KCNIP3: variants seen among roughly 807,000 people sequenced by gnomAD.
KCNIP3 encodes the protein calsenilin.
In KCNIP3, 28 loss-of-function variants were observed where a neutral mutation model predicts 35.0. That is an observed-to-expected ratio of 0.80 (90% CI 0.59 to 1.10). The LOEUF (loss-of-function observed/expected upper bound fraction) is 1.10. KCNIP3 is among the 50% of genes least tolerant of loss of function. The probability of loss-of-function intolerance (pLI) is 0.00; values close to 1 mark genes in which losing one functional copy is unlikely to be tolerated. For missense variants in KCNIP3, 295 were observed against 338.4 expected (o/e 0.87, Z 1.01); for synonymous variants, 134 against 133.8 (o/e 1.00, Z -0.01).
At chr2:95,373,187 G>A (rs1464481223) in intron 2 of KCNIP3, among the ~76,000 whole-genome samples, 2 of 152,186 alleles carry the variant, frequency 1.3e-5, no homozygotes, top group African/African-American at 4.8e-5. Flanking sequence ...ATGAGTCCTG[G>A]GTCTGTGGGA....
At chr2:95,360,697 CCTT>C in intron 2 of KCNIP3, among the ~76,000 whole-genome samples, 1 of 152,102 alleles carries the variant, frequency 6.6e-6, no homozygotes, top group Admixed American at 6.5e-5. Context: ...CTGGGGATGG[CCTT>C]CTTACTGAAT....
At chr2:95,308,209 C>G (rs1190684047) in intron 1 of KCNIP3, among the ~76,000 whole-genome samples, 1 of 152,244 alleles carries the variant, frequency 6.6e-6, no homozygotes, top group Non-Finnish European at 1.5e-5. Flanking sequence ...CAGCTCTCCC[C>G]CTGTTTCTGC....
chr2:95,346,995 AG>A, intron 2 of KCNIP3: 1 of 1,561,614 alleles, frequency 6.4e-7, no homozygotes, highest in Non-Finnish European at 8.7e-7. Context: ...CCCGGGCCCC[AG>A]GGCCCCAGGC....
chr2:95,382,460 G>A lies in KCNIP3; in HGVS notation c.639G>A (p.Glu213=). The change falls in exon 7 of 9, where the codon GAG becomes GAA. Residue 213 remains glutamate (E), a synonymous_variant. Transcript: ENST00000295225. This position sits in a 1 kb window ranked among gnomAD's most constrained non-coding sequence, Gnocchi z 4.5. The stretch of plus-strand genomic sequence containing the variant: ...TCCTGCGGGAGGACGCGCCGGCGGA[G>A]CACGTGGAGAGGTTCTTCGAGGTGA... ...YPILREDAPA[E]HVERFFEKMD... The A allele has an allele frequency of 6.2e-7, 1 of 1,608,210 alleles. No homozygotes were observed. Among genetic ancestry groups the A allele is most frequent in the South Asian group, 1.1e-5 (1 of 90,540 alleles).
chr2:95,325,519 C>T (rs1383822995), intron 2 of KCNIP3, among the ~76,000 whole-genome samples: 2 of 152,102 alleles, frequency 1.3e-5, no homozygotes, highest in Non-Finnish European at 2.9e-5. Context: ...CCCCTACCCC[C>T]AAAACAGGTG....
At chr2:95,328,704 T>C (rs1390449239) in intron 2 of KCNIP3, among the ~76,000 whole-genome samples, 4 of 152,250 alleles carry the variant, frequency 2.6e-5, no homozygotes, top group Non-Finnish European at 5.9e-5. Context: ...ATTCTCAGTC[T>C]ACAGTCAGAT....
intron 2 of KCNIP3, among the ~76,000 whole-genome samples, chr2:95,363,645 A>T (rs1473694120): frequency 6.6e-6 from 1 of 152,162 alleles, no homozygotes. Flanking sequence ...TTTTATTGGA[A>T]TTGCACTGAA....
At chr2:95,307,422 T>C (rs1476173553) in intron 1 of KCNIP3, among the ~76,000 whole-genome samples, 4 of 152,204 alleles carry the variant, frequency 2.6e-5, no homozygotes, top group African/African-American at 9.7e-5. Context: ...CAGAAGACTA[T>C]ATGTGTAGTG....
rs182517591 is a variant in KCNIP3, at chr2:95,299,860, G to C, written c.15+2407G>C. Among the ~76,000 whole-genome samples, 333 of 152,350 alleles carry C rather than the reference G, an allele frequency of 2.2e-3. 1 individual carries two copies. Among genetic ancestry groups the C allele is most frequent in the African/African-American group, 7.4e-3 (308 of 41,578 alleles). On this transcript the variant is annotated intron_variant, in intron 1 of 8. Coordinates refer to ENST00000295225, the MANE Select transcript of KCNIP3 (RefSeq NM_013434.5). ...GAGCCCAGGAGAAGGGCAGAGCTGA[G>C]AGCCAGAAGCCTGAGGGTACCAACG... is the stretch of plus-strand genomic sequence containing the variant.
intron 1 of KCNIP3, 127 bp downstream of exon 1, chr2:95,297,580 T>C: frequency 1.3e-6 from 1 of 796,644 alleles, no homozygotes; most frequent in Non-Finnish European, 2.0e-6. Flanking sequence ...TCCACTTTCC[T>C]TTGGGGAAAG....
At chr2:95,364,849 T>C (rs1176716148) in intron 2 of KCNIP3, among the ~76,000 whole-genome samples, 1 of 152,156 alleles carries the variant, frequency 6.6e-6, no homozygotes, top group African/African-American at 2.4e-5. Flanking sequence ...TTATAAATAA[T>C]GCAGTCTTGA....
intron 2 of KCNIP3, among the ~76,000 whole-genome samples, chr2:95,318,642 C>T (rs1468589522): frequency 1.3e-5 from 2 of 152,154 alleles, no homozygotes; most frequent in Non-Finnish European, 2.9e-5. Flanking sequence ...AGGACCAAGA[C>T]CAAGTCTCGG....
intron 2 of KCNIP3, among the ~76,000 whole-genome samples, chr2:95,322,638 G>T (rs114201541): frequency 0.03 from 4,617 of 152,344 alleles, 99 homozygotes; most frequent in Non-Finnish European, 0.05. Flanking sequence ...AAGGCCCTGA[G>T]TTGGGGCCTC....
At position 95,305,606 on chromosome 2, in the gene KCNIP3, A is replaced by C. The variant is rs1373702688; in HGVS notation, c.16-4749A>C. Among the ~76,000 whole-genome samples the C allele has an allele frequency of 3.9e-5, 6 of 152,004 alleles. No homozygotes were observed. In the East Asian group the frequency reaches 1.2e-3, roughly 29 times the overall value. On this transcript the variant is annotated intron_variant, in intron 1 of 8. Transcript: ENST00000295225. ...AGATGCAAAACAGCTCTGTCCCCTC[A>C]AGGCCCCTCCTGCCGCCCTGTGAGA...
intron 1 of KCNIP3, among the ~76,000 whole-genome samples, chr2:95,306,250 G>A (rs1287516314): frequency 4.6e-5 from 7 of 152,344 alleles, no homozygotes; most frequent in African/African-American, 1.4e-4. Flanking sequence ...TAATGACGGC[G>A]AACATCTCTT....
At chr2:95,306,200 G>A (rs1462504921) in intron 1 of KCNIP3, among the ~76,000 whole-genome samples, 1 of 152,206 alleles carries the variant, frequency 6.6e-6, no homozygotes, top group Non-Finnish European at 1.5e-5. Context: ...GGCACATGGT[G>A]GTGTCTCACA....
chr2:95,326,442 TCA>T (rs1401121085), intron 2 of KCNIP3, among the ~76,000 whole-genome samples: 1 of 152,166 alleles, frequency 6.6e-6, no homozygotes, highest in African/African-American at 2.4e-5. Flanking sequence ...AAGAACAGCA[TCA>T]CGCCAGGCTC....
intron 2 of KCNIP3, among the ~76,000 whole-genome samples, chr2:95,353,344 A>G (rs1679574988): frequency 6.6e-6 from 1 of 152,196 alleles, no homozygotes; most frequent in South Asian, 2.1e-4. Flanking sequence ...TGTGTGGTCC[A>G]GTTCAGCTCC....
Position 95,385,400 on chromosome 2 carries a change from G to A in KCNIP3, c.*1351G>A, listed in dbSNP as rs1181192601. Reference sequence around the variant, plus strand: ...AAAGCTGGAGCCAATGGTGAGGGCTGAGAGGGCTGTGGCTGGGTGGTCAGC... The same window carrying A: ...AAAGCTGGAGCCAATGGTGAGGGCTAAGAGGGCTGTGGCTGGGTGGTCAGC... On this transcript the variant is annotated 3_prime_UTR_variant, in exon 9 of 9. Coordinates refer to ENST00000295225, the MANE Select transcript of KCNIP3 (RefSeq NM_013434.5). 6.5e-6 allele frequency: 1 copy of A among 152,964 alleles called. No individual in the cohort carries two copies. The highest frequency in any genetic ancestry group is 1.5e-5 in the Non-Finnish European group (1 of 68,296). The allele number at this position is 152,964 out of a possible 1,614,324, so 9.5% of individuals were successfully genotyped here.
Sources: allele counts gnomAD v4.1 joint callset (sites outside exome capture counted in the v4.1 genomes callset), GRCh38; gene constraint gnomAD v4.1.1; non-coding constraint Gnocchi (gnomAD v3.1); transcripts MANE v1.5; gene names NCBI Gene and HGNC (gene_info 2026-07-23, HGNC 2026-07-21).